RAPGEF4: variants seen among roughly 807,000 people sequenced by gnomAD.
RAPGEF4 encodes RAP guanine-nucleotide-exchange factor (GEF) 4.
RAPGEF4 carries 66 observed loss-of-function variants against 147.9 expected under a neutral mutation model. The ratio of observed to expected loss-of-function variants is 0.45; its 90% CI spans 0.37 to 0.55. RAPGEF4 has a LOEUF of 0.55. Among genes scored for constraint, RAPGEF4 ranks in the 20% least tolerant of loss-of-function variants. The pLI is 0.00. For synonymous variants in RAPGEF4, 419 were observed against 442.7 expected, an observed-to-expected ratio of 0.95 and a Z score of 0.67; for missense variants, 1,071 against 1,257.3, an observed-to-expected ratio of 0.85 and a Z score of 2.24.
At position 172,919,452 on chromosome 2, in the gene RAPGEF4, T is replaced by C. The variant is rs143371326; in HGVS notation, c.517+1578T>C. ...CGTCCAGACTCCATTCCGCCTTGGC[T>C]CCCGGGGCACCACTGTGTTATCCTG... On this transcript the variant is annotated intron_variant, in intron 5 of 30. Transcript: ENST00000397081. Among the ~76,000 whole-genome samples the C allele has an allele frequency of 4.9e-4, 74 of 152,236 alleles. 2 individuals carry two copies. Among genetic ancestry groups the C allele is most frequent in the African/African-American group, 1.6e-3 (67 of 41,544 alleles).
At chr2:172,831,265 A>AATTTTTTTTTTTTTTTTTTTTTT (rs1491195850) in intron 4 of RAPGEF4, among the ~76,000 whole-genome samples, 1 of 16,622 alleles carries the variant, frequency 6.0e-5, no homozygotes, top group Non-Finnish European at 1.5e-4. Flanking sequence ...CAGATAGAAA[A>AATTTTTTTTTTTTTTTTTTTTTT]CTTTTTTTTT....
chr2:172,956,894 TGACCTA>T (rs1209123732), intron 6 of RAPGEF4, among the ~76,000 whole-genome samples: 4 of 152,260 alleles, frequency 2.6e-5, no homozygotes, highest in African/African-American at 9.6e-5. Context: ...TGATACCTGA[TGACCTA>T]GAAGAGCTTG....
At chr2:172,997,647 T>A (rs1351534985) in intron 16 of RAPGEF4, among the ~76,000 whole-genome samples, 2 of 151,236 alleles carry the variant, frequency 1.3e-5, no homozygotes, top group African/African-American at 4.9e-5. Flanking sequence ...CGCAACGTGT[T>A]TTTTTTTTAA....
chr2:172,766,614 T>C (rs1047015279), intron 1 of RAPGEF4, among the ~76,000 whole-genome samples: 1 of 152,106 alleles, frequency 6.6e-6, no homozygotes, highest in African/African-American at 2.4e-5. Context: ...ACAATCGAGA[T>C]AGCACACATA....
Position 172,837,911 on chromosome 2 carries a change from G to A in RAPGEF4, c.444+23486G>A, listed in dbSNP as rs76094345. 1.0e-3 allele frequency among the ~76,000 whole-genome samples: 156 copies of A among 152,290 alleles called. 1 individual carries two copies. The highest frequency in any genetic ancestry group is 6.8e-3 in the Middle Eastern group (2 of 294). On this transcript the variant is annotated intron_variant, in intron 4 of 30. Coordinates refer to ENST00000397081, the MANE Select transcript of RAPGEF4 (RefSeq NM_007023.4). ...TGGAGAACAATAGCTCAAATATGGT[G>A]TAGTATTCCATTCTCACCAACACTT... is the stretch of plus-strand genomic sequence containing the variant.
At chr2:173,044,008 G>A (rs1007053517) in intron 29 of RAPGEF4, among the ~76,000 whole-genome samples, 2 of 152,202 alleles carry the variant, frequency 1.3e-5, no homozygotes, top group Non-Finnish European at 2.9e-5. Context: ...AGCTGACAAT[G>A]AAAGACAGCA....
rs115276905 is a variant in RAPGEF4 at position 172,762,865 on chromosome 2, T to G, written c.65+26817T>G. On this transcript the variant is annotated intron_variant, in intron 1 of 30. Coordinates refer to ENST00000397081, the MANE Select transcript of RAPGEF4 (RefSeq NM_007023.4). ...ATTGATAAAACACTGATTGTGGACTTGCAAGGCCTCTGCTCTGAGTGACTG... is the reference window on the plus strand; with the variant it reads ...ATTGATAAAACACTGATTGTGGACTGGCAAGGCCTCTGCTCTGAGTGACTG... 7.4e-3 allele frequency among the ~76,000 whole-genome samples: 1,121 copies of G among 152,328 alleles called. 14 individuals are homozygous for G. Among genetic ancestry groups the G allele is most frequent in the African/African-American group, 0.026 (1,074 of 41,578 alleles).
At chr2:172,799,996 G>T (rs866331061) in intron 3 of RAPGEF4, among the ~76,000 whole-genome samples, 2 of 152,250 alleles carry the variant, frequency 1.3e-5, no homozygotes, top group Middle Eastern at 6.8e-3. Flanking sequence ...TAATAGCAGG[G>T]TTATTAGCTA....
intron 23 of RAPGEF4, among the ~76,000 whole-genome samples, chr2:173,022,154 G>A (rs1035580097): frequency 1.3e-5 from 2 of 152,192 alleles, no homozygotes; most frequent in African/African-American, 4.8e-5. Context: ...GTTACTGCAC[G>A]GGTGCTGGGG....
intron 4 of RAPGEF4, among the ~76,000 whole-genome samples, chr2:172,886,407 A>G (rs953432138): frequency 2.5e-4 from 38 of 152,248 alleles, no homozygotes; most frequent in Admixed American, 6.5e-5. Context: ...CTCTTCCCCT[A>G]GACTGTGAAC....
chr2:172,789,595 A>G (rs1685597108), intron 1 of RAPGEF4, among the ~76,000 whole-genome samples: 1 of 152,226 alleles, frequency 6.6e-6, no homozygotes, highest in Non-Finnish European at 1.5e-5. Flanking sequence ...CTGAAACTCT[A>G]GGTCAGCTGA....
At chr2:172,789,738 G>A (rs930443078) in intron 1 of RAPGEF4, among the ~76,000 whole-genome samples, 4 of 152,230 alleles carry the variant, frequency 2.6e-5, no homozygotes, top group Admixed American at 6.5e-5. Flanking sequence ...GGTTTATTTC[G>A]CTTAGCAGAA....
rs1291206840 is a variant in RAPGEF4, at chr2:172,875,126, C to A, written c.445-42676C>A. On this transcript the variant is annotated intron_variant, in intron 4 of 30. Coordinates refer to ENST00000397081, the MANE Select transcript of RAPGEF4 (RefSeq NM_007023.4). ...TTTTTCTTGTAAATTTGTTTGAGTT[C>A]TTTGTAGATTCTGGATATTAGCCCT... Among the ~76,000 whole-genome samples, 7 of 152,140 alleles carry A rather than the reference C, an allele frequency of 4.6e-5. No homozygotes were observed. In the East Asian group the frequency reaches 5.8e-4, roughly 13 times the overall value.
intron 6 of RAPGEF4, among the ~76,000 whole-genome samples, chr2:172,923,290 A>T (rs527485166): frequency 6.6e-6 from 1 of 152,014 alleles, no homozygotes; most frequent in African/African-American, 2.4e-5. Context: ...TTTTTTTGTG[A>T]TGGAGTCTCA....
rs1397194393 is a variant in RAPGEF4 at position 172,996,455 on chromosome 2, T to C, written c.1491-11T>C. On this transcript the variant is annotated splice_polypyrimidine_tract_variant and intron_variant, in intron 15 of 30. Transcript: ENST00000397081. ...TTTGAAAAATTAATGGCATTTTTGT[T>C]TCTTATCCAGGTATACTGTGATGTC... 1 of 1,494,912 alleles carries C rather than the reference T, an allele frequency of 6.7e-7. No homozygotes were observed. The highest frequency in any genetic ancestry group is 2.5e-5 in the East Asian group (1 of 40,344). The allele number at this position is 1,494,912 out of a possible 1,614,324, so 92.6% of individuals were successfully genotyped here. A position where few individuals can be genotyped will look rare whatever the true frequency, so the allele number is the denominator to read the frequency against.
chr2:172,943,139 A>G (rs944254356), intron 6 of RAPGEF4, among the ~76,000 whole-genome samples: 3 of 152,164 alleles, frequency 2.0e-5, no homozygotes, highest in African/African-American at 7.2e-5. Context: ...AGCGTTTGGC[A>G]TATTTGAGAA....
At chr2:172,818,286 A>G in intron 4 of RAPGEF4, among the ~76,000 whole-genome samples, 1 of 152,222 alleles carries the variant, frequency 6.6e-6, no homozygotes, top group African/African-American at 2.4e-5. Context: ...CCACTAAAAA[A>G]CTTATTCATG....
intron 4 of RAPGEF4, among the ~76,000 whole-genome samples, chr2:172,869,820 A>C (rs1001759563): frequency 1.3e-5 from 2 of 152,210 alleles, no homozygotes; most frequent in African/African-American, 4.8e-5. Context: ...AAGGAAGTCC[A>C]GAAATCTGAG....
At chr2:173,021,578 A>C (rs1696100644) in intron 23 of RAPGEF4, among the ~76,000 whole-genome samples, 1 of 152,122 alleles carries the variant, frequency 6.6e-6, no homozygotes, top group Admixed American at 6.5e-5. Flanking sequence ...ACAGAGCGAG[A>C]CTCTGCCTCA....
Sources: gnomAD v4.1 joint callset for allele counts (sites outside exome capture counted in the v4.1 genomes callset) on GRCh38, gnomAD v4.1.1 for gene constraint, MANE v1.5 for transcripts, NCBI Gene and HGNC (gene_info 2026-07-23, HGNC 2026-07-21) for gene names.